TMEM150C: variants seen among roughly 807,000 people sequenced by gnomAD.
TMEM150C encodes the protein tentonin 3.
Under a neutral mutation model 29.9 loss-of-function variants are expected in TMEM150C, and 10 were observed. The ratio of observed to expected loss-of-function variants is 0.33; its 90% CI spans 0.21 to 0.57. The LOEUF is 0.57. TMEM150C is among the 20% of genes least tolerant of loss of function. The pLI is 0.88. For synonymous variants in TMEM150C, 101 were observed against 112.5 expected, an observed-to-expected ratio of 0.90 and a Z score of 0.64; for missense variants, 251 against 303.6, an observed-to-expected ratio of 0.83 and a Z score of 1.29.
rs1725952356 is a variant in TMEM150C, at chr4:82,561,952, T to C, written c.-57A>G. 1.8e-6 allele frequency: 2 copies of C among 1,106,464 alleles called. No homozygotes were observed. Among genetic ancestry groups the C allele is most frequent in the Middle Eastern group, 4.3e-4 (1 of 2,334 alleles). 68.5% of individuals were successfully genotyped at this position (1,106,464 alleles called of 1,614,324 possible). A position where few individuals can be genotyped will look rare whatever the true frequency, so the allele number is the denominator to read the frequency against. The stretch of plus-strand genomic sequence containing the variant: ...GCTGTCGCCTCGAGGGGCTGTGACC[T>C]GCTGCGGTGGCGGCGGCGGCAGCAG... On this transcript the variant is annotated 5_prime_UTR_variant, in exon 1 of 8. Coordinates refer to ENST00000449862, the MANE Select transcript of TMEM150C (RefSeq NM_001080506.3).
chr4:82,503,098 A>G lies in TMEM150C; in HGVS notation c.95T>C (p.Val32Ala). Reference protein sequence around the residue: ...AGLWIVYFIAVEDDKILPLNS... With the variant: ...AGLWIVYFIAAEDDKILPLNS... The stretch of plus-strand genomic sequence containing the variant: ...TAATGGTAAAATTTTGTCATCTTCC[A>G]CAGCTATGAAGTATCTATCAAAAAA... The change falls in exon 3 of 8, where the codon GTG becomes GCG. Residue 32 changes from valine (V) to alanine (A), a missense_variant. Val to Ala is a moderately conservative substitution (Grantham distance 64). Coordinates refer to ENST00000449862, the MANE Select transcript of TMEM150C (RefSeq NM_001080506.3). 6.2e-7 allele frequency: 1 copy of G among 1,608,078 alleles called. No individual in the cohort carries two copies. The highest frequency in any genetic ancestry group is 8.5e-7 in the Non-Finnish European group (1 of 1,175,634).
intron 1 of TMEM150C, among the ~76,000 whole-genome samples, chr4:82,552,121 C>T (rs534451691): frequency 2.0e-5 from 3 of 152,296 alleles, no homozygotes; most frequent in Middle Eastern, 3.4e-3. Flanking sequence ...ACACCTTCCA[C>T]CATGAGTGGA....
At position 82,490,311 on chromosome 4, in the gene TMEM150C, A is replaced by C. The variant is rs568741900; in HGVS notation, c.364-73T>G. The C allele has an allele frequency of 1.9e-3, 2,481 of 1,303,608 alleles. 9 individuals are homozygous for C. Among genetic ancestry groups the C allele is most frequent in the Admixed American group, 6.1e-3 (319 of 52,678 alleles). 80.8% of individuals were successfully genotyped at this position (1,303,608 alleles called of 1,614,324 possible). A position where few individuals can be genotyped will look rare whatever the true frequency, so the allele number is the denominator to read the frequency against. On this transcript the variant is annotated intron_variant, in intron 6 of 7. Coordinates refer to ENST00000449862, the MANE Select transcript of TMEM150C (RefSeq NM_001080506.3). The stretch of plus-strand genomic sequence containing the variant: ...AGACAGGCAAGTTGAAGGAATGAAT[A>C]TATGAGGGGAAAAGATAGGAAAAGA...
rs558498463 is a variant in TMEM150C, at chr4:82,548,370, TA to T, written c.-11+13535del. ...ATTAAAACATAGTTTTTCAATCACT[TA>T]AATATCAAATTTATTTTCAATAACA... On this transcript the variant is annotated intron_variant, in intron 1 of 7. Transcript: ENST00000449862. Among the ~76,000 whole-genome samples, 151 of 152,352 alleles carry T rather than the reference TA, an allele frequency of 9.9e-4. 1 individual carries two copies. The highest frequency in any genetic ancestry group is 2.0e-3 in the Non-Finnish European group (133 of 68,026).
At chr4:82,559,721 T>C (rs191520055) in intron 1 of TMEM150C, among the ~76,000 whole-genome samples, 5 of 152,274 alleles carry the variant, frequency 3.3e-5, no homozygotes, top group Admixed American at 2.6e-4. Flanking sequence ...AATCACACCG[T>C]AGTGCTGATT....
At chr4:82,506,085 T>C (rs144891578) in intron 1 of TMEM150C, among the ~76,000 whole-genome samples, 2 of 150,222 alleles carry the variant, frequency 1.3e-5, no homozygotes, top group Non-Finnish European at 2.9e-5. Context: ...AAGTTGTTGT[T>C]TTTTTTTTAC....
At chr4:82,488,454 G>C (rs1375224650) in intron 7 of TMEM150C, among the ~76,000 whole-genome samples, 1 of 152,158 alleles carries the variant, frequency 6.6e-6, no homozygotes, top group Non-Finnish European at 1.5e-5. Context: ...AAAGTACTTA[G>C]AATAATGCCT....
At chr4:82,501,113 G>GCAAATT (rs1361982301) in intron 5 of TMEM150C, among the ~76,000 whole-genome samples, 2 of 152,248 alleles carry the variant, frequency 1.3e-5, no homozygotes, top group African/African-American at 4.8e-5. Flanking sequence ...AAATGCAAAT[G>GCAAATT]CAAATGCAAA....
At chr4:82,555,611 C>T (rs780642240) in intron 1 of TMEM150C, among the ~76,000 whole-genome samples, 34 of 152,206 alleles carry the variant, frequency 2.2e-4, no homozygotes, top group Non-Finnish European at 3.5e-4. Flanking sequence ...TTGTACAATG[C>T]TCTACAATTT....
intron 7 of TMEM150C, among the ~76,000 whole-genome samples, chr4:82,488,591 A>C (rs1232451266): frequency 6.6e-6 from 1 of 152,018 alleles, no homozygotes; most frequent in African/African-American, 2.4e-5. Context: ...ACTGGAGTGA[A>C]CACTTCTTTT....
intron 1 of TMEM150C, among the ~76,000 whole-genome samples, chr4:82,553,607 G>A (rs1311206999): frequency 6.6e-6 from 1 of 152,174 alleles, no homozygotes; most frequent in Non-Finnish European, 1.5e-5. Context: ...GATAAAATAA[G>A]TTAGAACTTG....
At chr4:82,529,682 G>C (rs1173016388) in intron 1 of TMEM150C, among the ~76,000 whole-genome samples, 1 of 152,146 alleles carries the variant, frequency 6.6e-6, no homozygotes, top group African/African-American at 2.4e-5. Context: ...CTAGTGAGTC[G>C]ATCAGTGATG....
intron 1 of TMEM150C, among the ~76,000 whole-genome samples, chr4:82,546,094 A>ATGT (rs1725377787): frequency 6.6e-6 from 1 of 152,208 alleles, no homozygotes; most frequent in Non-Finnish European, 1.5e-5. Flanking sequence ...CAGATGACAC[A>ATGT]ACCATGGAAA....
intron 1 of TMEM150C, among the ~76,000 whole-genome samples, chr4:82,553,791 G>T (rs1286922633): frequency 2.0e-5 from 3 of 152,166 alleles, no homozygotes; most frequent in Admixed American, 2.0e-4. Context: ...AAAAGATCAC[G>T]ATATGCCACT....
At chr4:82,503,162 C>A (rs1168725152) in intron 2 of TMEM150C, 50 bp from the exon 3 acceptor site, 3 of 1,352,572 alleles carry the variant, frequency 2.2e-6, no homozygotes, top group Admixed American at 4.3e-5. Context: ...AAAAAAGAAT[C>A]ATTTGTTTCC....
intron 1 of TMEM150C, among the ~76,000 whole-genome samples, chr4:82,549,122 A>G (rs1467231753): frequency 6.9e-6 from 1 of 145,560 alleles, no homozygotes; most frequent in East Asian, 1.9e-4. Flanking sequence ...GTTACATTTG[A>G]TGTGCAATCT....
intron 7 of TMEM150C, among the ~76,000 whole-genome samples, chr4:82,487,593 G>C (rs987445479): frequency 4.6e-5 from 7 of 152,140 alleles, no homozygotes; most frequent in African/African-American, 9.7e-5. Context: ...GCAGAGTTTT[G>C]ATCTTTTTGT....
intron 1 of TMEM150C, among the ~76,000 whole-genome samples, chr4:82,528,198 C>T (rs1724716098): frequency 6.6e-6 from 1 of 152,182 alleles, no homozygotes. Context: ...AGGGAAGGCT[C>T]TGCAGGTGAA....
At chr4:82,504,067 G>C (rs538976630) in intron 2 of TMEM150C, among the ~76,000 whole-genome samples, 10 of 152,256 alleles carry the variant, frequency 6.6e-5, no homozygotes, top group Non-Finnish European at 1.3e-4. Flanking sequence ...CACCGGCTTT[G>C]CATAATTATT....
Sources: gnomAD v4.1 joint callset for allele counts (sites outside exome capture counted in the v4.1 genomes callset) on GRCh38, gnomAD v4.1.1 for gene constraint, MANE v1.5 for transcripts, NCBI Gene and HGNC (gene_info 2026-07-23, HGNC 2026-07-21) for gene names.